Variants in CCL28 observed in about 807,000 individuals in gnomAD.
The protein encoded by CCL28 is C-C motif chemokine ligand 28.
A neutral mutation model predicts 7.1 loss-of-function variants in CCL28; 4 were observed. The observed-to-expected ratio is 0.56, with a 90% CI of 0.28 to 1.29. The LOEUF is 1.29. Ranked by LOEUF, CCL28 falls within the 50% of genes most tolerant of loss-of-function variation. The probability of loss-of-function intolerance (pLI) is 0.11; values close to 1 mark genes in which losing one functional copy is unlikely to be tolerated. For synonymous variants in CCL28, 55 were observed against 57.8 expected, an observed-to-expected ratio of 0.95 and a Z score of 0.22; for missense variants, 151 against 163.4, an observed-to-expected ratio of 0.92 and a Z score of 0.41.
At chr5:43,407,103 G>A (rs1741314611) in intron 1 of CCL28, among the ~76,000 whole-genome samples, 1 of 152,186 alleles carries the variant, frequency 6.6e-6, no homozygotes, top group African/African-American at 2.4e-5. Flanking sequence ...TCCCCATGAA[G>A]CTACCAGTGA....
chr5:43,412,292 C>T lies in CCL28; in HGVS notation c.25G>A (p.Val9Met), dbSNP rs771396483. The change falls in exon 1 of 3, where the codon GTG (valine) becomes ATG (methionine). Residue 9 changes from valine to methionine, a missense_variant. By Grantham distance (21) the Val-to-Met change is conservative. Transcript: ENST00000361115. MQQRGLAI[V>M]ALAVCAALHA... ...AGGGCCGCACAGACAGCCAAGGCCA[C>T]GATGGCGAGTCCTCTCTGCTGCATT... 6.8e-6 allele frequency: 11 copies of T among 1,612,726 alleles called. No homozygotes were observed. Among genetic ancestry groups the T allele is most frequent in the East Asian group, 2.2e-5 (1 of 44,880 alleles).
chr5:43,401,082 C>CAAAAAA (rs34105761), intron 1 of CCL28, among the ~76,000 whole-genome samples: 1 of 95,058 alleles, frequency 1.1e-5, no homozygotes, highest in Non-Finnish European at 2.2e-5. Flanking sequence ...GACTCCGTCT[C>CAAAAAA]AAAAAAAAAA....
At chr5:43,401,822 G>A (rs1410146543) in intron 1 of CCL28, among the ~76,000 whole-genome samples, 2 of 152,164 alleles carry the variant, frequency 1.3e-5, no homozygotes, top group African/African-American at 4.8e-5. Context: ...ATGAAATTGA[G>A]ATGGGCCCTT....
At chr5:43,405,706 G>A (rs1474985555) in intron 1 of CCL28, among the ~76,000 whole-genome samples, 1 of 152,160 alleles carries the variant, frequency 6.6e-6, no homozygotes, top group Non-Finnish European at 1.5e-5. Context: ...ATGAATCCAG[G>A]AGCTGGTTTT....
At chr5:43,374,147 T>C (rs1375650216), downstream of CCL28, among the ~76,000 whole-genome samples, 4 of 152,232 alleles carry the variant, frequency 2.6e-5, no homozygotes, top group Non-Finnish European at 4.4e-5. Flanking sequence ...AAGATGTCAC[T>C]TGCCTACATA....
chr5:43,375,248 C>G (rs531964435), downstream of CCL28, among the ~76,000 whole-genome samples: 12 of 150,912 alleles, frequency 8.0e-5, no homozygotes, highest in South Asian at 1.0e-3. Context: ...CACGGTCTCC[C>G]AAAGTGCTGG....
chr5:43,360,707 A>G, the CCL28 span, among the ~76,000 whole-genome samples: 92 of 152,120 alleles, frequency 6.0e-4, no homozygotes, highest in Non-Finnish European at 1.1e-3. Flanking sequence ...TCATATGCCT[A>G]TTGGCCACAT....
chr5:43,377,489 A>T (rs1165440473), downstream of CCL28: 1 of 99,062 alleles, frequency 1.0e-5, no homozygotes, highest in African/African-American at 5.3e-5. Flanking sequence ...GAGACTCTGT[A>T]TCAAAAAAAA....
chr5:43,409,357 C>A (rs574234031), intron 1 of CCL28, among the ~76,000 whole-genome samples: 1 of 151,942 alleles, frequency 6.6e-6, no homozygotes. Context: ...ACCCAGGAGG[C>A]GGAGGTTGCA....
chr5:43,359,414 T>C, the CCL28 span, among the ~76,000 whole-genome samples: 1 of 152,180 alleles, frequency 6.6e-6, no homozygotes, highest in Non-Finnish European at 1.5e-5. Flanking sequence ...CAGGAACATA[T>C]CCTTAAGGCA....
chr5:43,363,604 G>A, the CCL28 span, among the ~76,000 whole-genome samples: 73 of 152,346 alleles, frequency 4.8e-4, 1 homozygote, highest in African/African-American at 1.6e-3. Flanking sequence ...TCAAGCCCGA[G>A]TGACCAACTG....
In CCL28 at chr5:43,388,391, G is replaced by A. The variant is rs370576487; in HGVS notation, c.150C>T (p.Arg50=). 9 of 1,614,062 alleles carry A rather than the reference G, an allele frequency of 5.6e-6. No homozygotes were observed. In the African/African-American group the frequency reaches 1.1e-4, roughly 19 times the overall value. ...CACAATCCCCATCAGCTCTCTGGAT[G>A]CGACACATATTCACTCTTTCCAGGA... The part of the protein sequence containing the change: ...RRLLERVNMC[R]IQRADGDCDL... The change falls in exon 2 of 3, where the codon CGC becomes CGT. Residue 50 remains arginine (R), a synonymous_variant. Coordinates refer to ENST00000361115, the MANE Select transcript of CCL28 (RefSeq NM_148672.3).
chr5:43,379,055 A>C (rs964398380), downstream of CCL28: 2 of 152,226 alleles, frequency 1.3e-5, no homozygotes, highest in Non-Finnish European at 2.9e-5. Context: ...CAGAAAAATC[A>C]GTTTTTAAAA....
chr5:43,375,291 T>C (rs1051048355), downstream of CCL28, among the ~76,000 whole-genome samples: 6 of 137,978 alleles, frequency 4.3e-5, no homozygotes, highest in Non-Finnish European at 9.1e-5. Context: ...GCCCAACCAA[T>C]AGTCTTCCTA....
chr5:43,395,961 T>TC (rs1235314538), intron 1 of CCL28, among the ~76,000 whole-genome samples: 2 of 142,044 alleles, frequency 1.4e-5, no homozygotes, highest in Non-Finnish European at 3.0e-5. Flanking sequence ...AAGCTCCGCC[T>TC]CCCAGGTTCA....
intron 1 of CCL28, among the ~76,000 whole-genome samples, chr5:43,395,264 T>G (rs1004038703): frequency 6.6e-6 from 1 of 151,290 alleles, no homozygotes; most frequent in Non-Finnish European, 1.5e-5. Context: ...GTTCATTTTA[T>G]CCACAATTTC....
At chr5:43,360,845 C>T in the CCL28 span, among the ~76,000 whole-genome samples, 1 of 151,806 alleles carries the variant, frequency 6.6e-6, no homozygotes, top group East Asian at 1.9e-4. Context: ...CTTTGAAGTT[C>T]AGGGGTACAT....
the CCL28 span, among the ~76,000 whole-genome samples, chr5:43,363,720 C>G: frequency 1.3e-5 from 2 of 152,218 alleles, no homozygotes; most frequent in African/African-American, 2.4e-5. Flanking sequence ...TCTCCAATTT[C>G]AGTAGCTCAG....
intron 1 of CCL28, among the ~76,000 whole-genome samples, chr5:43,398,862 G>A (rs1740922631): frequency 6.6e-6 from 1 of 151,534 alleles, no homozygotes; most frequent in African/African-American, 2.4e-5. Context: ...AAAAAAAGAA[G>A]AGAAATTACT....
Sources: gnomAD v4.1 joint callset for allele counts (sites outside exome capture counted in the v4.1 genomes callset) on GRCh38, gnomAD v4.1.1 for gene constraint, MANE v1.5 for transcripts, NCBI Gene and HGNC (gene_info 2026-07-23, HGNC 2026-07-21) for gene names.